The following ZNF385D variants were observed in gnomAD, a reference collection of about 807,000 sequenced individuals.
ZNF385D encodes zinc finger protein 659.
Under a neutral mutation model 35.8 loss-of-function variants are expected in ZNF385D, and 15 were observed. That is an observed-to-expected ratio of 0.42 (90% CI 0.28 to 0.64). ZNF385D has a LOEUF of 0.64. ZNF385D is among the 30% of genes least tolerant of loss of function. The probability of loss-of-function intolerance (pLI) is 0.23; values close to 1 mark genes in which losing one functional copy is unlikely to be tolerated. For synonymous variants in ZNF385D, 212 were observed against 186.8 expected, an observed-to-expected ratio of 1.13 and a Z score of -1.10; for missense variants, 474 against 494.6, an observed-to-expected ratio of 0.96 and a Z score of 0.39.
chr3:21,820,520 T>C (rs186684883), intron 3 of ZNF385D, among the ~76,000 whole-genome samples: 3 of 151,872 alleles, frequency 2.0e-5, no homozygotes, highest in Admixed American at 2.0e-4. Context: ...AAATAAGCTA[T>C]GATTTAGATA....
At chr3:21,742,486 C>G (rs1016023068) in intron 1 of ZNF385D, among the ~76,000 whole-genome samples, 1 of 152,222 alleles carries the variant, frequency 6.6e-6, no homozygotes, top group Non-Finnish European at 1.5e-5. Context: ...CTTGCTCTTC[C>G]TCTAAGCTAC....
At chr3:21,975,486 CACA>C (rs2125352637) in intron 3 of ZNF385D, among the ~76,000 whole-genome samples, 1 of 151,942 alleles carries the variant, frequency 6.6e-6, no homozygotes, top group East Asian at 1.9e-4. Context: ...TATTTGATAG[CACA>C]ACAAGGTGAC....
chr3:22,233,618 C>T (rs886903803), intron 2 of ZNF385D, among the ~76,000 whole-genome samples: 1 of 152,000 alleles, frequency 6.6e-6, no homozygotes, highest in African/African-American at 2.4e-5. Flanking sequence ...TCCATATGAC[C>T]CTCCAACTAC....
chr3:21,863,375 C>A (rs986936288), intron 3 of ZNF385D, among the ~76,000 whole-genome samples: 2 of 152,184 alleles, frequency 1.3e-5, no homozygotes, highest in African/African-American at 2.4e-5. Flanking sequence ...TTCTGAGCCA[C>A]TGTAGGCAGT....
At chr3:21,727,284 C>A (rs2125471152) in intron 1 of ZNF385D, among the ~76,000 whole-genome samples, 1 of 152,264 alleles carries the variant, frequency 6.6e-6, no homozygotes, top group East Asian at 1.9e-4. Context: ...ATGTCCAAAA[C>A]ACCAAAAGCC....
intron 2 of ZNF385D, among the ~76,000 whole-genome samples, chr3:21,605,770 C>A (rs1575304809): frequency 1.3e-5 from 2 of 152,168 alleles, no homozygotes; most frequent in East Asian, 1.9e-4. Context: ...GGTGAGTGAT[C>A]ATTAGTTGTA....
intron 3 of ZNF385D, among the ~76,000 whole-genome samples, chr3:21,793,302 A>T (rs980089228): frequency 6.6e-6 from 1 of 152,218 alleles, no homozygotes; most frequent in Non-Finnish European, 1.5e-5. Context: ...ACAGGCTGTG[A>T]TAAGAATCAA....
intron 1 of ZNF385D, among the ~76,000 whole-genome samples, chr3:21,709,290 T>C (rs975340329): frequency 3.3e-5 from 5 of 152,186 alleles, no homozygotes; most frequent in African/African-American, 4.8e-5. Context: ...ATATTGTGTT[T>C]TCTATGCTAA....
At chr3:21,908,113 T>A (rs1699776607) in intron 3 of ZNF385D, among the ~76,000 whole-genome samples, 1 of 143,204 alleles carries the variant, frequency 7.0e-6, no homozygotes, top group Non-Finnish European at 1.5e-5. Flanking sequence ...TATATCTTTC[T>A]CTCTATATCT....
intron 3 of ZNF385D, among the ~76,000 whole-genome samples, chr3:22,004,792 T>A (rs1696092252): frequency 6.6e-6 from 1 of 152,162 alleles, no homozygotes; most frequent in Non-Finnish European, 1.5e-5. Flanking sequence ...ACCTATTACC[T>A]GGAAGTCCCT....
chr3:21,941,490 C>CTTTTTTTT (rs531693623), intron 3 of ZNF385D, among the ~76,000 whole-genome samples: 13 of 63,622 alleles, frequency 2.0e-4, no homozygotes, highest in South Asian at 8.3e-4. Context: ...TTCCATTACT[C>CTTTTTTTT]TTTTTTTTTT....
chr3:22,057,631 T>G (rs1031274870), intron 3 of ZNF385D, among the ~76,000 whole-genome samples: 1 of 151,846 alleles, frequency 6.6e-6, no homozygotes, highest in Non-Finnish European at 1.5e-5. Flanking sequence ...TGTCTCAACC[T>G]CCCGAGTAGC....
At chr3:21,869,351 A>G (rs1356926066) in intron 3 of ZNF385D, among the ~76,000 whole-genome samples, 2 of 152,150 alleles carry the variant, frequency 1.3e-5, no homozygotes, top group Non-Finnish European at 2.9e-5. Context: ...TTGTAGCAGT[A>G]TATGTATTAA....
At chr3:22,206,537 G>C (rs1469128959) in intron 2 of ZNF385D, among the ~76,000 whole-genome samples, 1 of 151,688 alleles carries the variant, frequency 6.6e-6, no homozygotes, top group East Asian at 1.9e-4. Flanking sequence ...CATAAAACAA[G>C]TCTTAAAACA....
intron 2 of ZNF385D, among the ~76,000 whole-genome samples, chr3:22,277,094 C>A (rs545194092): frequency 6.6e-6 from 1 of 152,162 alleles, no homozygotes; most frequent in Non-Finnish European, 1.5e-5. Context: ...AATTCTAATT[C>A]TAAGTAACAG....
At chr3:21,863,746 A>G (rs762628111) in intron 3 of ZNF385D, among the ~76,000 whole-genome samples, 8 of 152,180 alleles carry the variant, frequency 5.3e-5, no homozygotes, top group Non-Finnish European at 1.0e-4. Context: ...CGATTGATAC[A>G]GAAAAGCTGG....
intron 3 of ZNF385D, among the ~76,000 whole-genome samples, chr3:21,550,794 T>TAATA (rs2062540811): frequency 6.6e-6 from 1 of 152,206 alleles, no homozygotes; most frequent in Non-Finnish European, 1.5e-5. Flanking sequence ...CTCTATTTTA[T>TAATA]AATACCATTA....
At chr3:21,862,778 T>C (rs1697129004) in intron 3 of ZNF385D, among the ~76,000 whole-genome samples, 1 of 152,132 alleles carries the variant, frequency 6.6e-6, no homozygotes, top group African/African-American at 2.4e-5. Context: ...CCCTGTTACA[T>C]CTGCTGCCAC....
At chr3:21,590,922 G>A (rs907522864) in intron 2 of ZNF385D, among the ~76,000 whole-genome samples, 1 of 152,022 alleles carries the variant, frequency 6.6e-6, no homozygotes, top group Non-Finnish European at 1.5e-5. Context: ...CAGGCCAGAC[G>A]CAACTTCTCA....
Sources: gnomAD v4.1 joint callset for allele counts (sites outside exome capture counted in the v4.1 genomes callset) on GRCh38, gnomAD v4.1.1 for gene constraint, MANE v1.5 for transcripts, NCBI Gene and HGNC (gene_info 2026-07-23, HGNC 2026-07-21) for gene names.